GLRA2: variants seen among roughly 807,000 people sequenced by gnomAD.
GLRA2 encodes the protein glycine receptor alpha 2.
A neutral mutation model predicts 31.6 loss-of-function variants in GLRA2; 11 were observed. The observed-to-expected ratio is 0.35, with a 90% CI of 0.22 to 0.58. The LOEUF (loss-of-function observed/expected upper bound fraction) is 0.58. Among genes scored for constraint, GLRA2 ranks in the 20% least tolerant of loss-of-function variants. The pLI is 0.84. For synonymous variants in GLRA2, 132 were observed against 134.0 expected, an observed-to-expected ratio of 0.99 and a Z score of 0.10; for missense variants, 212 against 351.8, an observed-to-expected ratio of 0.60 and a Z score of 3.18.
chrX:14,575,831 AC>A (rs1437332320), intron 3 of GLRA2, among the ~76,000 whole-genome samples: 1 of 110,946 alleles, frequency 9.0e-6, no homozygotes, highest in Admixed American at 9.6e-5. Flanking sequence ...CATTAGTCTT[AC>A]CCCCACAGGG....
chrX:14,723,680 T>C (rs769449571), intron 8 of GLRA2, among the ~76,000 whole-genome samples: 1 of 111,609 alleles, frequency 9.0e-6, no homozygotes, highest in East Asian at 2.8e-4. Context: ...CTCAGTTGCA[T>C]CCCTCAATTG....
At chrX:14,465,264 C>T in the GLRA2 span, among the ~76,000 whole-genome samples, 1 of 112,009 alleles carries the variant, frequency 8.9e-6, no homozygotes, top group African/African-American at 3.2e-5. Flanking sequence ...TCATTGGTCA[C>T]ATAGAGCAAT....
the GLRA2 span, among the ~76,000 whole-genome samples, chrX:14,522,463 T>A: frequency 8.9e-6 from 1 of 112,212 alleles, no homozygotes; most frequent in South Asian, 3.7e-4. Flanking sequence ...GTTGACATTT[T>A]GACATCCTCT....
chrX:14,496,453 T>C, the GLRA2 span, among the ~76,000 whole-genome samples: 1 of 111,791 alleles, frequency 8.9e-6, no homozygotes, highest in East Asian at 2.8e-4. Context: ...CCACTTTCTG[T>C]CCTTGAGATA....
the GLRA2 span, among the ~76,000 whole-genome samples, chrX:14,454,587 C>T: frequency 9.5e-6 from 1 of 104,774 alleles, no homozygotes; most frequent in Non-Finnish European, 1.9e-5. Flanking sequence ...AAAAAAAAAG[C>T]GTGTCCAACC....
chrX:14,675,225 C>T lies in GLRA2; in HGVS notation c.931-15485C>T, dbSNP rs145852036. ...AGAGGTGCCTTTCTGCAGAGTGTCC[C>T]TATGGTGCCTCTAACAATGGATATC... On this transcript the variant is annotated intron_variant, in intron 7 of 8. Coordinates refer to ENST00000218075, the MANE Select transcript of GLRA2 (RefSeq NM_002063.4). Among the ~76,000 whole-genome samples the T allele has an allele frequency of 9.0e-5, 10 of 111,449 alleles. No individual in the cohort carries two copies. In the East Asian group the frequency reaches 2.8e-3, roughly 32 times the overall value.
the GLRA2 span, among the ~76,000 whole-genome samples, chrX:14,503,150 T>A: frequency 4.5e-5 from 5 of 111,571 alleles, no homozygotes; most frequent in Admixed American, 9.5e-5. Flanking sequence ...GTAAGGAGAA[T>A]CCTAGAGTAA....
intron 2 of GLRA2, among the ~76,000 whole-genome samples, chrX:14,549,104 G>A (rs2089521324): frequency 8.9e-6 from 1 of 112,070 alleles, no homozygotes; most frequent in South Asian, 3.7e-4. Context: ...GGAAAAAGAA[G>A]TAGCTCTAGG....
the GLRA2 span, among the ~76,000 whole-genome samples, chrX:14,487,664 T>A: frequency 1.8e-5 from 2 of 111,853 alleles, no homozygotes; most frequent in African/African-American, 6.5e-5. Context: ...GAATTTAATC[T>A]GCTAAAATAA....
At chrX:14,506,705 C>T in the GLRA2 span, among the ~76,000 whole-genome samples, 3 of 111,704 alleles carry the variant, frequency 2.7e-5, no homozygotes, top group Non-Finnish European at 5.7e-5. Context: ...TAAAGAGGAG[C>T]CAAGTCCTTG....
the GLRA2 span, among the ~76,000 whole-genome samples, chrX:14,470,625 A>G: frequency 1.1e-4 from 12 of 112,190 alleles, no homozygotes; most frequent in African/African-American, 3.9e-4. Flanking sequence ...AACAAATTCT[A>G]GGAGATTTTG....
chrX:14,503,371 T>C, the GLRA2 span, among the ~76,000 whole-genome samples: 3 of 111,228 alleles, frequency 2.7e-5, no homozygotes, highest in African/African-American at 9.8e-5. Context: ...CTGAAGGAGC[T>C]CTGCTGTCAC....
intron 8 of GLRA2, among the ~76,000 whole-genome samples, chrX:14,726,175 G>A (rs982209171): frequency 8.9e-6 from 1 of 112,123 alleles, no homozygotes; most frequent in Admixed American, 9.4e-5. Flanking sequence ...GTTTATCCAT[G>A]ACTCAAGCTC....
At chrX:14,449,422 CAGA>C in the GLRA2 span, among the ~76,000 whole-genome samples, 3 of 112,580 alleles carry the variant, frequency 2.7e-5, no homozygotes, top group Non-Finnish European at 5.6e-5. Flanking sequence ...GTGTGGAGTC[CAGA>C]AGGTGTCATA....
chrX:14,454,194 A>C, the GLRA2 span, among the ~76,000 whole-genome samples: 163 of 48,423 alleles, frequency 3.4e-3, no homozygotes, highest in African/African-American at 6.7e-3. Flanking sequence ...ACACCCACAC[A>C]CACACACACA....
chrX:14,630,854 C>T (rs2090637510), intron 7 of GLRA2, among the ~76,000 whole-genome samples: 1 of 103,891 alleles, frequency 9.6e-6, no homozygotes, highest in Non-Finnish European at 2.0e-5. Flanking sequence ...ATGTGCACAA[C>T]GTGTGGGCGG....
chrX:14,537,761 GCAAGGCATTATAAAA>G (rs771865826), intron 2 of GLRA2, among the ~76,000 whole-genome samples: 11 of 110,225 alleles, frequency 1.0e-4, no homozygotes, highest in Admixed American at 2.9e-4. Context: ...TATTGATGGT[GCAAGGCATTATAAAA>G]CAAGGCATTA....
intron 2 of GLRA2, among the ~76,000 whole-genome samples, chrX:14,569,409 A>G (rs1462265928): frequency 8.9e-6 from 1 of 112,530 alleles, no homozygotes; most frequent in African/African-American, 3.2e-5. Flanking sequence ...AAGAACTACA[A>G]TTCAATAAAA....
At chrX:14,452,352 A>G in the GLRA2 span, among the ~76,000 whole-genome samples, 2 of 112,483 alleles carry the variant, frequency 1.8e-5, no homozygotes, top group African/African-American at 6.5e-5. Context: ...CTGACTTTAA[A>G]ATGACCCTTT....
Sources: gnomAD v4.1 joint callset for allele counts (sites outside exome capture counted in the v4.1 genomes callset) on GRCh38, gnomAD v4.1.1 for gene constraint, MANE v1.5 for transcripts, NCBI Gene and HGNC (gene_info 2026-07-23, HGNC 2026-07-21) for gene names.